Variants in MCF2L2 observed in about 807,000 individuals in gnomAD.
MCF2L2 encodes the protein probable guanine nucleotide exchange factor MCF2L2.
A neutral mutation model predicts 150.2 loss-of-function variants in MCF2L2; 102 were observed. That is an observed-to-expected ratio of 0.68 (90% confidence interval 0.58 to 0.80). The LOEUF is 0.80. MCF2L2 is among the 30% of genes least tolerant of loss of function. The probability of loss-of-function intolerance (pLI) is 0.00; values close to 1 mark genes in which losing one functional copy is unlikely to be tolerated. For missense variants in MCF2L2, 1,256 were observed against 1,372.8 expected (o/e 0.91, Z 1.34); for synonymous variants, 465 against 491.3 (o/e 0.95, Z 0.71).
intron 3 of MCF2L2, among the ~76,000 whole-genome samples, chr3:183,353,495 C>T (rs1711591533): frequency 6.6e-6 from 1 of 152,106 alleles, no homozygotes; most frequent in Admixed American, 6.6e-5. Context: ...CACGGTTCTG[C>T]AGGCTATATG....
At chr3:183,287,114 CCT>C (rs1727838887) in intron 14 of MCF2L2, among the ~76,000 whole-genome samples, 1 of 151,960 alleles carries the variant, frequency 6.6e-6, no homozygotes, top group Non-Finnish European at 1.5e-5. Flanking sequence ...CACCTACAGG[CCT>C]CTGATTCTAT....
intron 1 of MCF2L2, among the ~76,000 whole-genome samples, chr3:183,408,964 A>T (rs1197904028): frequency 2.0e-5 from 3 of 152,280 alleles, no homozygotes; most frequent in Non-Finnish European, 4.4e-5. Context: ...ATGGGAGGTT[A>T]TAACTTTATT....
intron 26 of MCF2L2, among the ~76,000 whole-genome samples, chr3:183,193,925 A>G (rs1721995173): frequency 6.6e-6 from 1 of 152,188 alleles, no homozygotes; most frequent in Admixed American, 6.5e-5. Flanking sequence ...TTATTCACTA[A>G]ATATTTACTG....
intron 27 of MCF2L2, among the ~76,000 whole-genome samples, chr3:183,185,108 C>G (rs1411028879): frequency 3.9e-5 from 6 of 152,278 alleles, no homozygotes; most frequent in African/African-American, 1.2e-4. Flanking sequence ...TCAGTAGAGA[C>G]AGGGTTTCAC....
chr3:183,267,644 A>G lies in MCF2L2; in HGVS notation c.1862+9228T>C, dbSNP rs1726287828. Among the ~76,000 whole-genome samples, 1 of 152,340 alleles carries G rather than the reference A, an allele frequency of 6.6e-6. No homozygotes were observed. The highest frequency in any genetic ancestry group is 1.9e-4 in the East Asian group (1 of 5,180). On this transcript the variant is annotated intron_variant, in intron 15 of 29. Transcript: ENST00000328913. The surrounding 1 kb of genome is among the most constrained non-coding windows in gnomAD (Gnocchi z 5.5). ...CCGTCAGTCCTGTCCAAAGCCCAGG[A>G]AACTAATGTACCACCCCCGAGGAAG... is the stretch of plus-strand genomic sequence containing the variant.
rs759675283 is a variant in MCF2L2, at chr3:183,341,582, T to G, written c.324A>C (p.Arg108Ser). 6.2e-7 allele frequency: 1 copy of G among 1,614,146 alleles called. No individual in the cohort carries two copies. The highest frequency in any genetic ancestry group is 1.1e-5 in the South Asian group (1 of 91,086). The change falls in exon 4 of 30, where the codon AGA becomes AGC. Residue 108 changes from arginine to serine, a missense_variant. Coordinates refer to ENST00000328913, the MANE Select transcript of MCF2L2 (RefSeq NM_015078.4). ...IGFIVVIDRR[R>S]DKWSSVKASL... ...ATGCCTTTACGGAGCTCCACTTGTCTCTTCGTCTGTCGATAACAACAATGA... is the reference window on the plus strand; with the variant it reads ...ATGCCTTTACGGAGCTCCACTTGTCGCTTCGTCTGTCGATAACAACAATGA...
At chr3:183,399,070 A>C (rs1560057752) in intron 1 of MCF2L2, among the ~76,000 whole-genome samples, 2 of 152,230 alleles carry the variant, frequency 1.3e-5, no homozygotes, top group Admixed American at 1.3e-4. Context: ...CTTCAATTCA[A>C]GCCTTGTAAG....
intron 15 of MCF2L2, among the ~76,000 whole-genome samples, chr3:183,239,693 C>G (rs1045936657): frequency 1.3e-5 from 2 of 151,446 alleles, no homozygotes; most frequent in African/African-American, 4.8e-5. Flanking sequence ...TTTTCACTTA[C>G]TCCTGCTATC....
At chr3:183,325,518 C>T (rs999281111) in intron 5 of MCF2L2, among the ~76,000 whole-genome samples, 16 of 152,246 alleles carry the variant, frequency 1.1e-4, no homozygotes, top group South Asian at 4.1e-4. Context: ...TTTTAAACCA[C>T]TTATGGGAGT....
intron 1 of MCF2L2, among the ~76,000 whole-genome samples, chr3:183,413,281 C>T (rs1715416822): frequency 6.6e-6 from 1 of 152,108 alleles, no homozygotes; most frequent in Non-Finnish European, 1.5e-5. Flanking sequence ...TTACCAATAA[C>T]ATTAACAGTT....
rs750295946 is a variant in MCF2L2, at chr3:183,379,297, C to T, written c.275G>A (p.Ser92Asn). 4 of 1,605,040 alleles carry T rather than the reference C, an allele frequency of 2.5e-6. No individual in the cohort carries two copies. Among genetic ancestry groups the T allele is most frequent in the Non-Finnish European group, 3.4e-6 (4 of 1,175,992 alleles). The change falls in exon 3 of 30, where the codon AGT (serine) becomes AAT (asparagine). Residue 92 changes from serine (S) to asparagine (N), a missense_variant and splice_region_variant. Physicochemically the swap from Ser to Asn is conservative, Grantham distance 46. Transcript: ENST00000328913. ...CGGCAGGACACTGTGCTCAGCTCAC[C>T]TGGGGATGCTAGTCAGGTAGGTCAT... Reference protein sequence around the residue: ...NVMTYLTSIPSVEAASIGFIV... With the variant: ...NVMTYLTSIPNVEAASIGFIV...
At chr3:183,250,231 A>T (rs755495233) in intron 15 of MCF2L2, among the ~76,000 whole-genome samples, 1 of 152,224 alleles carries the variant, frequency 6.6e-6, no homozygotes, top group Non-Finnish European at 1.5e-5. Flanking sequence ...ATTAAGCTGA[A>T]GATTGATGTG....
At chr3:183,377,551 G>A (rs148926775) in intron 3 of MCF2L2, 15 of 152,302 alleles carry the variant, frequency 9.8e-5, no homozygotes, top group African/African-American at 3.6e-4. Context: ...AAAAACGAAA[G>A]AGAAGAAAAG....
At chr3:183,291,139 A>C (rs1003138992) in intron 13 of MCF2L2, among the ~76,000 whole-genome samples, 1 of 152,220 alleles carries the variant, frequency 6.6e-6, no homozygotes, top group African/African-American at 2.4e-5. Flanking sequence ...GATCTCTATA[A>C]AGTGAGTGAT....
Position 183,270,371 on chromosome 3 carries a change from T to G in MCF2L2, c.1862+6501A>C. The G allele has an allele frequency of 6.2e-7, 1 of 1,614,230 alleles. No homozygotes were observed. Among genetic ancestry groups the G allele is most frequent in the South Asian group, 1.1e-5 (1 of 91,088 alleles). ...GTCCACATGCCAAATTTCTTATGAC[T>G]GCTGATGATGACATATTTATTCACA... On this transcript the variant is annotated intron_variant, in intron 15 of 29. Transcript: ENST00000328913. This position sits in a 1 kb window ranked among gnomAD's most constrained non-coding sequence, Gnocchi z 4.5.
intron 15 of MCF2L2, among the ~76,000 whole-genome samples, chr3:183,275,203 C>T (rs997682782): frequency 2.0e-5 from 3 of 152,062 alleles, no homozygotes; most frequent in African/African-American, 7.2e-5. Context: ...TGTTTTTTTA[C>T]GAGCTGTAAG....
chr3:183,403,572 G>A (rs1245012576), intron 1 of MCF2L2, among the ~76,000 whole-genome samples: 1 of 152,202 alleles, frequency 6.6e-6, no homozygotes, highest in African/African-American at 2.4e-5. Context: ...ATTTGGTGAA[G>A]GGGCTGGCAC....
chr3:183,403,462 G>A (rs1714878711), intron 1 of MCF2L2, among the ~76,000 whole-genome samples: 1 of 152,180 alleles, frequency 6.6e-6, no homozygotes, highest in Non-Finnish European at 1.5e-5. Flanking sequence ...GGAACATGGG[G>A]GTTTTTAAAC....
intron 22 of MCF2L2, among the ~76,000 whole-genome samples, chr3:183,212,221 C>T (rs1355945877): frequency 3.9e-5 from 6 of 152,080 alleles, no homozygotes; most frequent in African/African-American, 1.4e-4. Context: ...TGCCTTTGGA[C>T]GTCTAGCCGT....
Sources: gnomAD v4.1 joint callset for allele counts (sites outside exome capture counted in the v4.1 genomes callset) on GRCh38, gnomAD v4.1.1 for gene constraint, Gnocchi (gnomAD v3.1) non-coding constraint, MANE v1.5 for transcripts, NCBI Gene and HGNC (gene_info 2026-07-23, HGNC 2026-07-21) for gene names.